The following NAALADL2 variants were observed in gnomAD, a reference collection of about 807,000 sequenced individuals.
NAALADL2 encodes the protein inactive N-acetylated-alpha-linked acidic dipeptidase-like protein 2.
A neutral mutation model predicts 87.2 loss-of-function variants in NAALADL2; 76 were observed. The observed-to-expected ratio is 0.87, with a 90% CI of 0.72 to 1.05. The LOEUF is 1.05. NAALADL2 is among the 50% of genes least tolerant of loss of function. The pLI, the probability that NAALADL2 is intolerant of heterozygous loss-of-function variation, is 0.00. For missense variants in NAALADL2, 1,089 were observed against 945.8 expected (o/e 1.15, Z -1.99); for synonymous variants, 354 against 331.0 (o/e 1.07, Z -0.75).
rs562684139 is a variant in NAALADL2 at position 175,698,421 on chromosome 3, A to T, written c.1897-38885A>T. ...TGTATGTGTATTTATGTATGTATAC[A>T]TATGTATGTGTATATATTTATGTAT... On this transcript the variant is annotated intron_variant, in intron 11 of 13. Coordinates refer to ENST00000454872, the MANE Select transcript of NAALADL2 (RefSeq NM_207015.3). 9.9e-5 allele frequency among the ~76,000 whole-genome samples: 5 copies of T among 50,730 alleles called. No homozygotes were observed. The African/African-American group carries it at 1.7e-3, about 17-fold the overall frequency. 33.3% of individuals were successfully genotyped at this position (50,730 alleles called of 152,430 possible). A position where few individuals can be genotyped will look rare whatever the true frequency, so the allele number is the denominator to read the frequency against.
chr3:175,543,675 G>A (rs1167270276), intron 9 of NAALADL2, among the ~76,000 whole-genome samples: 1 of 152,078 alleles, frequency 6.6e-6, no homozygotes, highest in Non-Finnish European at 1.5e-5. Context: ...CAGCATGGAG[G>A]TAACCACCCC....
At chr3:174,657,821 TC>T (rs1417040656) in intron 2 of NAALADL2, among the ~76,000 whole-genome samples, 1 of 152,204 alleles carries the variant, frequency 6.6e-6, no homozygotes, top group Non-Finnish European at 1.5e-5. Flanking sequence ...CTACTACTCA[TC>T]TTTTTACAGA....
intron 1 of NAALADL2, among the ~76,000 whole-genome samples, chr3:174,470,062 C>G (rs1011170158): frequency 2.0e-5 from 3 of 146,904 alleles, no homozygotes; most frequent in Non-Finnish European, 3.0e-5. Flanking sequence ...CTAAATTGTA[C>G]TCAGTTAGTT....
At chr3:175,667,155 GAA>G (rs1189421448) in intron 11 of NAALADL2, among the ~76,000 whole-genome samples, 36 of 131,464 alleles carry the variant, frequency 2.7e-4, no homozygotes, top group African/African-American at 9.1e-4. Flanking sequence ...GAGAGAGAGA[GAA>G]AGAAAAAGAA....
At chr3:175,594,726 G>T (rs1395265392) in intron 10 of NAALADL2, among the ~76,000 whole-genome samples, 1 of 152,054 alleles carries the variant, frequency 6.6e-6, no homozygotes, top group Non-Finnish European at 1.5e-5. Flanking sequence ...ATCTCACTGT[G>T]TTTTTGATTT....
rs372069779 is a variant in NAALADL2, at chr3:175,138,604, TTTA to T, written c.545+41331_545+41333del. Among the ~76,000 whole-genome samples the T allele has an allele frequency of 6.0e-3, 894 of 149,680 alleles. 9 individuals are homozygous for T. Among genetic ancestry groups the T allele is most frequent in the African/African-American group, 0.018 (726 of 40,964 alleles). On this transcript the variant is annotated intron_variant, in intron 2 of 13. Transcript: ENST00000454872. The stretch of plus-strand genomic sequence containing the variant: ...AAAAATGGCTTTGCTTTACAGAGTA[TTTA>T]TTATTATTATTATTATTGTTATTAT...
intron 1 of NAALADL2, among the ~76,000 whole-genome samples, chr3:175,060,206 G>T (rs1364398229): frequency 6.6e-6 from 1 of 152,168 alleles, no homozygotes; most frequent in East Asian, 1.9e-4. Context: ...CTTTTCAAGA[G>T]AAAGATGAAA....
chr3:175,191,091 G>C (rs2109056329), intron 2 of NAALADL2, among the ~76,000 whole-genome samples: 1 of 152,124 alleles, frequency 6.6e-6, no homozygotes, highest in South Asian at 2.1e-4. Context: ...TACTGTATTT[G>C]GAATTTTTGC....
intron 5 of NAALADL2, among the ~76,000 whole-genome samples, chr3:175,331,662 G>T (rs1316642206): frequency 6.6e-6 from 1 of 152,100 alleles, no homozygotes; most frequent in Non-Finnish European, 1.5e-5. Flanking sequence ...CATACTAAAT[G>T]GGGAAAAGCC....
chr3:175,534,550 AGTCCTAAATGT>A lies in NAALADL2; in HGVS notation c.1654-41485_1654-41475del, dbSNP rs371271713. On this transcript the variant is annotated intron_variant, in intron 9 of 13. Coordinates refer to ENST00000454872, the MANE Select transcript of NAALADL2 (RefSeq NM_207015.3). ...GTAAAATAAAAAGGAGCACACAATC[AGTCCTAAATGT>A]GTCCTGTCTGGATGACTTTATACCC... Among the ~76,000 whole-genome samples the A allele has an allele frequency of 4.8e-3, 736 of 152,270 alleles. 7 individuals are homozygous for A. The highest frequency in any genetic ancestry group is 0.017 in the African/African-American group (703 of 41,552).
chr3:175,525,650 T>C (rs1733293545), intron 9 of NAALADL2, among the ~76,000 whole-genome samples: 1 of 152,114 alleles, frequency 6.6e-6, no homozygotes, highest in Non-Finnish European at 1.5e-5. Flanking sequence ...TTTTCAAAAA[T>C]TGATGGACTT....
At chr3:175,172,251 T>A (rs1734948852) in intron 2 of NAALADL2, among the ~76,000 whole-genome samples, 1 of 140,766 alleles carries the variant, frequency 7.1e-6, no homozygotes, top group Non-Finnish European at 1.6e-5. Flanking sequence ...TTGGAAGATA[T>A]GTATCTTCAT....
intron 1 of NAALADL2, among the ~76,000 whole-genome samples, chr3:174,875,656 T>A (rs1481317613): frequency 6.6e-6 from 1 of 152,154 alleles, no homozygotes; most frequent in Non-Finnish European, 1.5e-5. Context: ...TATATCTTAT[T>A]TTCTAAGAAA....
chr3:175,673,579 TTTAAC>T (rs935624527), intron 11 of NAALADL2, among the ~76,000 whole-genome samples: 4 of 152,132 alleles, frequency 2.6e-5, no homozygotes, highest in African/African-American at 9.7e-5. Flanking sequence ...CTAAAATGAT[TTTAAC>T]TTAATGTGCT....
At chr3:175,452,760 T>A (rs1288303325) in intron 6 of NAALADL2, among the ~76,000 whole-genome samples, 2 of 152,084 alleles carry the variant, frequency 1.3e-5, no homozygotes, top group African/African-American at 4.8e-5. Flanking sequence ...GAGCTGCCAG[T>A]CGGAAGTCCT....
chr3:175,601,146 A>G (rs997368537), intron 10 of NAALADL2, among the ~76,000 whole-genome samples: 1 of 152,166 alleles, frequency 6.6e-6, no homozygotes, highest in African/African-American at 2.4e-5. Context: ...ACTTCTAATT[A>G]TTTAAATTTA....
chr3:175,589,309 G>GCAATTTAACATTCGT (rs1553927869), intron 10 of NAALADL2, among the ~76,000 whole-genome samples: 2 of 151,998 alleles, frequency 1.3e-5, no homozygotes, highest in East Asian at 3.9e-4. Context: ...ATTGGTACTG[G>GCAATTTAACATTCGT]TAAATAAATG....
At chr3:175,458,077 G>A (rs547129351) in intron 6 of NAALADL2, among the ~76,000 whole-genome samples, 5 of 151,830 alleles carry the variant, frequency 3.3e-5, no homozygotes, top group African/African-American at 9.7e-5. Flanking sequence ...ATTATTCTTC[G>A]GGTATTTCTT....
At chr3:175,117,324 C>T (rs1233815733) in intron 2 of NAALADL2, among the ~76,000 whole-genome samples, 3 of 152,158 alleles carry the variant, frequency 2.0e-5, no homozygotes, top group East Asian at 3.9e-4. Context: ...AGTGAACAGG[C>T]AATCTAAAGA....
Sources: allele counts gnomAD v4.1 joint callset (sites outside exome capture counted in the v4.1 genomes callset), GRCh38; gene constraint gnomAD v4.1.1; transcripts MANE v1.5; gene names NCBI Gene and HGNC (gene_info 2026-07-23, HGNC 2026-07-21).